Variants in LRIG1 observed in about 807,000 individuals in gnomAD.
LRIG1 encodes leucine-rich repeats and immunoglobulin-like domains protein 1.
LRIG1 carries 48 observed loss-of-function variants against 99.2 expected under a neutral mutation model. The ratio of observed to expected loss-of-function variants is 0.48; its 90% CI spans 0.38 to 0.62. LRIG1 has a LOEUF of 0.62. LRIG1 is among the 20% of genes least tolerant of loss of function. LRIG1 has a pLI of 0.00. For synonymous variants in LRIG1, 772 were observed against 596.1 expected, an observed-to-expected ratio of 1.29 and a Z score of -4.30; for missense variants, 1,646 against 1,434.4, an observed-to-expected ratio of 1.15 and a Z score of -2.38.
intron 12 of LRIG1, among the ~76,000 whole-genome samples, chr3:66,388,321 G>A (rs1701481349): frequency 6.6e-6 from 1 of 151,712 alleles, no homozygotes; most frequent in African/African-American, 2.4e-5. Flanking sequence ...TGTAGTCTGA[G>A]AAACAAAGAA....
At position 66,500,860 on chromosome 3, in the gene LRIG1, C is replaced by T. The variant is rs1459382375; in HGVS notation, c.-453G>A. ...GGAGCGCAAAGCCGTAGACCTCGGG[C>T]TGGACGGCGCGGCCGGCCCCGCGCT... On this transcript the variant is annotated 5_prime_UTR_variant, in exon 1 of 19. Transcript: ENST00000273261. 1 of 151,952 alleles carries T rather than the reference C, an allele frequency of 6.6e-6. No individual in the cohort carries two copies. The highest frequency in any genetic ancestry group is 1.5e-5 in the Non-Finnish European group (1 of 68,064). The allele number at this position is 151,952 out of a possible 1,614,324, so 9.4% of individuals were successfully genotyped here.
chr3:66,404,403 GTAA>G, intron 9 of LRIG1: 1 of 1,241,392 alleles, frequency 8.1e-7, no homozygotes, highest in Non-Finnish European at 1.0e-6. Context: ...CTAGTAAACA[GTAA>G]TAATGACTCT....
chr3:66,405,117 GC>G (rs1380629567), intron 9 of LRIG1, 80 bp downstream of exon 9: 1 of 1,268,044 alleles, frequency 7.9e-7, no homozygotes, highest in African/African-American at 1.5e-5. Context: ...GCAGAGAGGC[GC>G]GGGGGGCGCC....
In LRIG1 at chr3:66,414,907, T is replaced by A. The variant is rs775288079; in HGVS notation, c.647+13A>T. 54 of 1,580,778 alleles carry A rather than the reference T, an allele frequency of 3.4e-5. 1 individual carries two copies. The South Asian group carries it at 5.8e-4, about 17-fold the overall frequency. On this transcript the variant is annotated intron_variant, in intron 5 of 18. Transcript: ENST00000273261. ...TGGCTAGCCTTAATTAAAGTGTAGG[T>A]TTCTGTACTCACAGTTGTGTCAGCC...
At chr3:66,425,327 C>T (rs563314410) in intron 3 of LRIG1, among the ~76,000 whole-genome samples, 2 of 152,366 alleles carry the variant, frequency 1.3e-5, no homozygotes, top group Admixed American at 6.5e-5. Context: ...TTGGCCTCGG[C>T]CAGGTGGCCC....
chr3:66,398,145 T>C lies in LRIG1; in HGVS notation c.1271A>G (p.Asp424Gly). The C allele has an allele frequency of 6.2e-7, 1 of 1,614,136 alleles. No homozygotes were observed. The highest frequency in any genetic ancestry group is 8.5e-7 in the Non-Finnish European group (1 of 1,179,956). Residue 424 changes from aspartate (D) to glycine (G), a missense_variant, in exon 11 of 19, where the codon GAT becomes GGT. Asp to Gly is a moderately conservative substitution (Grantham distance 94). Transcript: ENST00000273261. ...AAGATTCTTCATCTTCACAAAGGCA[T>C]CAAACTGGACAGATCTGATCGCATT... is the stretch of plus-strand genomic sequence containing the variant. Reference protein sequence around the residue: ...GGNAIRSVQFDAFVKMKNLKE... With the variant: ...GGNAIRSVQFGAFVKMKNLKE...
chr3:66,440,072 T>C (rs1198551295), intron 3 of LRIG1, among the ~76,000 whole-genome samples: 3 of 151,972 alleles, frequency 2.0e-5, no homozygotes, highest in African/African-American at 7.3e-5. Flanking sequence ...TTTTAAATGA[T>C]AGTTATGAGA....
At chr3:66,459,042 A>C (rs1575707448) in intron 2 of LRIG1, among the ~76,000 whole-genome samples, 1 of 151,408 alleles carries the variant, frequency 6.6e-6, no homozygotes, top group African/African-American at 2.4e-5. Context: ...ATAATGTTTT[A>C]TATCACAGAG....
intron 3 of LRIG1, among the ~76,000 whole-genome samples, chr3:66,440,161 A>C (rs1703493632): frequency 6.6e-6 from 1 of 152,140 alleles, no homozygotes; most frequent in Admixed American, 6.5e-5. Flanking sequence ...TTGGCTGCAC[A>C]CTGAAATGAC....
At chr3:66,382,031 T>C (rs1056508812) in intron 16 of LRIG1, among the ~76,000 whole-genome samples, 3 of 152,204 alleles carry the variant, frequency 2.0e-5, no homozygotes, top group African/African-American at 7.2e-5. Flanking sequence ...AAGCCTACTT[T>C]ATCCTGCCAG....
intron 7 of LRIG1, chr3:66,409,791 C>G: frequency 4.5e-6 from 1 of 222,662 alleles, no homozygotes; most frequent in Admixed American, 5.2e-5. Context: ...TGTGAGCACT[C>G]TGCCATAGCT....
intron 3 of LRIG1, among the ~76,000 whole-genome samples, chr3:66,430,198 A>G (rs1703124250): frequency 6.6e-6 from 1 of 151,216 alleles, no homozygotes; most frequent in South Asian, 2.1e-4. Context: ...AACAAAAAAA[A>G]AACACTGAGG....
intron 12 of LRIG1, among the ~76,000 whole-genome samples, chr3:66,391,191 G>A (rs932202138): frequency 6.6e-6 from 1 of 152,136 alleles, no homozygotes. Context: ...GGAGAAATTG[G>A]AATTCTCATG....
intron 3 of LRIG1, among the ~76,000 whole-genome samples, chr3:66,435,313 C>G (rs1173969033): frequency 2.0e-5 from 3 of 152,140 alleles, no homozygotes; most frequent in Non-Finnish European, 4.4e-5. Context: ...AATCCCAGCA[C>G]TTTGGGAGGC....
chr3:66,499,293 GA>G (rs746065854), intron 1 of LRIG1, among the ~76,000 whole-genome samples: 1 of 152,198 alleles, frequency 6.6e-6, no homozygotes, highest in Admixed American at 6.5e-5. Flanking sequence ...TGACAGCACA[GA>G]AAAGAACCTC....
chr3:66,411,756 G>A (rs1187980836), intron 6 of LRIG1, among the ~76,000 whole-genome samples: 1 of 152,168 alleles, frequency 6.6e-6, no homozygotes, highest in Non-Finnish European at 1.5e-5. Flanking sequence ...GGGCGGACAT[G>A]AGCAAGTTAA....
Position 66,410,146 on chromosome 3 carries a change from G to A in LRIG1, c.918C>T (p.Cys306=). The change falls in exon 7 of 19, where the codon TGC becomes TGT. Residue 306 remains cysteine (C), a synonymous_variant. Coordinates refer to ENST00000273261, the MANE Select transcript of LRIG1 (RefSeq NM_015541.3). The part of the protein sequence containing the change: ...ARIHRKGWSF[C]QKLHELVLSF... ...ACACTTACAACTCATGCAGCTTCTG[G>A]CAGAAGCTCCAGCCCTTGCGGTGAA... 6.2e-7 allele frequency: 1 copy of A among 1,613,086 alleles called. No individual in the cohort carries two copies. The highest frequency in any genetic ancestry group is 8.5e-7 in the Non-Finnish European group (1 of 1,179,396).
At chr3:66,487,747 C>T (rs1701007564) in intron 1 of LRIG1, among the ~76,000 whole-genome samples, 1 of 152,024 alleles carries the variant, frequency 6.6e-6, no homozygotes, top group Non-Finnish European at 1.5e-5. Flanking sequence ...ACACGAGGCT[C>T]GAAGAAGGGT....
intron 1 of LRIG1, among the ~76,000 whole-genome samples, chr3:66,495,824 G>A (rs968918612): frequency 6.6e-6 from 1 of 152,210 alleles, no homozygotes; most frequent in Admixed American, 6.5e-5. Context: ...CACCCTGAAA[G>A]AGAGGAGGCT....
Sources: gnomAD v4.1 joint callset for allele counts (sites outside exome capture counted in the v4.1 genomes callset) on GRCh38, gnomAD v4.1.1 for gene constraint, MANE v1.5 for transcripts, NCBI Gene and HGNC (gene_info 2026-07-23, HGNC 2026-07-21) for gene names.